Variants in CEP63 observed in about 807,000 individuals in gnomAD.
CEP63 encodes centrosomal protein of 63 kDa.
In CEP63, 84 loss-of-function variants were observed where a neutral mutation model predicts 89.1. The observed-to-expected ratio is 0.94, with a 90% CI of 0.79 to 1.13. The LOEUF (loss-of-function observed/expected upper bound fraction) is 1.13, where lower values mean the gene tolerates loss of function less well. CEP63 is among the 50% of genes most tolerant of loss of function. CEP63 has a pLI of 0.00. For missense variants in CEP63, 838 were observed against 813.3 expected (o/e 1.03, Z -0.37); for synonymous variants, 267 against 272.5 (o/e 0.98, Z 0.20).
At chr3:134,670,063 C>T in the CEP63 span, among the ~76,000 whole-genome samples, 1 of 152,094 alleles carries the variant, frequency 6.6e-6, no homozygotes. Flanking sequence ...GGAAGAGGGC[C>T]CTCATCAGAA....
chr3:134,651,507 C>T, the CEP63 span: 2 of 999,338 alleles, frequency 2.0e-6, no homozygotes, highest in Middle Eastern at 5.1e-4. Flanking sequence ...GCAAGATGTG[C>T]AGAGATTGTC....
At chr3:134,650,516 T>G in the CEP63 span, among the ~76,000 whole-genome samples, 1 of 152,040 alleles carries the variant, frequency 6.6e-6, no homozygotes, top group Non-Finnish European at 1.5e-5. Context: ...CCAGGGTATC[T>G]TCCAATCTTG....
downstream of CEP63, among the ~76,000 whole-genome samples, chr3:134,577,787 G>A (rs907104037): frequency 5.9e-5 from 9 of 151,874 alleles, no homozygotes; most frequent in African/African-American, 9.7e-5. Flanking sequence ...CCACCCCCGC[G>A]ACAGGCCTCA....
At chr3:134,623,357 G>GT in the CEP63 span, among the ~76,000 whole-genome samples, 24 of 152,142 alleles carry the variant, frequency 1.6e-4, no homozygotes, top group African/African-American at 5.6e-4. Flanking sequence ...CACAGGTAAT[G>GT]GCCTGGCCTC....
chr3:134,778,537 T>TTTTGTTTG, the CEP63 span, among the ~76,000 whole-genome samples: 2 of 151,840 alleles, frequency 1.3e-5, no homozygotes, highest in Non-Finnish European at 2.9e-5. Context: ...GTTTTTGCTG[T>TTTTGTTTG]TTTGTTTGTT....
the CEP63 span, chr3:134,628,047 G>T: frequency 3.1e-5 from 18 of 585,420 alleles, no homozygotes; most frequent in Non-Finnish European, 5.2e-5. Flanking sequence ...GACAAGAAAG[G>T]GAGCTGCATT....
chr3:134,604,435 G>A, the CEP63 span: 17 of 1,613,114 alleles, frequency 1.1e-5, no homozygotes, highest in East Asian at 2.2e-5. Context: ...GAACAGCGTC[G>A]GGGCGCAGCT....
At chr3:134,716,308 A>G in the CEP63 span, among the ~76,000 whole-genome samples, 1 of 152,200 alleles carries the variant, frequency 6.6e-6, no homozygotes, top group African/African-American at 2.4e-5. Flanking sequence ...TCAGATGCTC[A>G]TATTGTCAAG....
At chr3:134,627,398 C>G in the CEP63 span, among the ~76,000 whole-genome samples, 4 of 152,184 alleles carry the variant, frequency 2.6e-5, no homozygotes, top group Admixed American at 6.5e-5. Flanking sequence ...GTTTCTTCCT[C>G]TGCTTCACTC....
At chr3:134,585,686 G>A (rs548121311) in intron 10 of CEP63, among the ~76,000 whole-genome samples, 1 of 152,286 alleles carries the variant, frequency 6.6e-6, no homozygotes, top group East Asian at 1.9e-4. Flanking sequence ...GGGGTGGAGA[G>A]TTCTGTAGAT....
At chr3:134,639,389 C>T in the CEP63 span, among the ~76,000 whole-genome samples, 1 of 152,202 alleles carries the variant, frequency 6.6e-6, no homozygotes, top group Admixed American at 6.5e-5. Flanking sequence ...GAGCTCAGGG[C>T]TGTGACTGGG....
chr3:134,692,872 C>T, the CEP63 span, among the ~76,000 whole-genome samples: 1 of 152,338 alleles, frequency 6.6e-6, no homozygotes, highest in Non-Finnish European at 1.5e-5. Flanking sequence ...TGGGTACATA[C>T]TTTATTTGGG....
At chr3:134,495,502 C>T (rs1415340431) in intron 2 of CEP63, 138 bp downstream of exon 2, 1 of 626,340 alleles carries the variant, frequency 1.6e-6, no homozygotes, top group African/African-American at 1.9e-5. Context: ...TCAGCTCAAG[C>T]ATTTATCATT....
chr3:134,712,717 G>T, the CEP63 span, among the ~76,000 whole-genome samples: 1 of 152,150 alleles, frequency 6.6e-6, no homozygotes, highest in Admixed American at 6.5e-5. Flanking sequence ...CACTGGCTGC[G>T]TGTGGCTTGG....
chr3:134,544,992 A>ATTTG (rs951324950), intron 6 of CEP63, among the ~76,000 whole-genome samples: 43 of 151,316 alleles, frequency 2.8e-4, no homozygotes, highest in African/African-American at 1.0e-3. Flanking sequence ...TTTGTATTTT[A>ATTTG]TTTGTTTGTT....
chr3:134,517,888 A>G (rs1946585721), intron 3 of CEP63, among the ~76,000 whole-genome samples: 1 of 152,210 alleles, frequency 6.6e-6, no homozygotes, highest in East Asian at 1.9e-4. Flanking sequence ...TCATCTCAAG[A>G]GGTTGGGAAA....
the CEP63 span, among the ~76,000 whole-genome samples, chr3:134,768,303 T>C: frequency 1.3e-5 from 2 of 152,186 alleles, no homozygotes; most frequent in African/African-American, 4.8e-5. Flanking sequence ...GACTCCATTA[T>C]TGGGATTATC....
At chr3:134,764,656 A>G in the CEP63 span, among the ~76,000 whole-genome samples, 1 of 152,172 alleles carries the variant, frequency 6.6e-6, no homozygotes, top group Non-Finnish European at 1.5e-5. Flanking sequence ...TCACCAAATT[A>G]ACTTTCGGCT....
At chr3:134,675,586 T>G in the CEP63 span, among the ~76,000 whole-genome samples, 288 of 152,156 alleles carry the variant, frequency 1.9e-3, 3 homozygotes, top group African/African-American at 6.7e-3. Flanking sequence ...ATCAAGAAAG[T>G]GAAAAGTTCA....
Sources: gnomAD v4.1 joint callset for allele counts (sites outside exome capture counted in the v4.1 genomes callset) on GRCh38, gnomAD v4.1.1 for gene constraint, MANE v1.5 for transcripts, NCBI Gene and HGNC (gene_info 2026-07-23, HGNC 2026-07-21) for gene names.